The following WDR48 variants were observed in gnomAD, a reference collection of about 807,000 sequenced individuals.
WDR48 encodes the protein WD repeat domain 48, also known as WD repeat-containing protein 48.
In WDR48, 22 loss-of-function variants were observed where a neutral mutation model predicts 94.0. The observed-to-expected ratio is 0.23, with a 90% CI of 0.17 to 0.33. The LOEUF (loss-of-function observed/expected upper bound fraction) is 0.33, where lower values mean the gene tolerates loss of function less well. Among genes scored for constraint, WDR48 ranks in the 10% least tolerant of loss-of-function variants. WDR48 has a pLI of 1.00. For synonymous variants in WDR48, 278 were observed against 280.5 expected (o/e 0.99, Z 0.09); for missense variants, 541 against 813.8 (o/e 0.66, Z 4.08).
chr3:39,074,785 T>G lies in WDR48; in HGVS notation c.732T>G (p.Cys244Trp). Residue 244 changes from cysteine to tryptophan, a missense_variant, in exon 8 of 19, where the codon TGT (cysteine) becomes TGG (tryptophan). Cys to Trp is a radical substitution (Grantham distance 215). This residue lies in a region of WDR48 where 104 missense variants were observed against 189.7 expected (regional missense o/e 0.55). Coordinates refer to ENST00000302313, the MANE Select transcript of WDR48 (RefSeq NM_020839.4). ...TTTGGTCCCTTGGCCAGCAGAGATG[T>G]ATAGCAACATACCGAGTCCATGATG... ...IRLWSLGQQR[C>W]IATYRVHDEG... is the part of the protein sequence containing the mutation. The G allele has an allele frequency of 6.2e-7, 1 of 1,614,192 alleles. No homozygotes were observed. Among genetic ancestry groups the G allele is most frequent in the Non-Finnish European group, 8.5e-7 (1 of 1,180,020 alleles).
intron 1 of WDR48, among the ~76,000 whole-genome samples, chr3:39,062,770 C>G (rs1216858722): frequency 6.6e-6 from 1 of 152,154 alleles, no homozygotes; most frequent in African/African-American, 2.4e-5. Context: ...ATTACTCTAG[C>G]TGCTTTGTGA....
intron 11 of WDR48, among the ~76,000 whole-genome samples, chr3:39,083,083 G>A (rs1237775714): frequency 1.3e-5 from 2 of 152,196 alleles, no homozygotes; most frequent in Non-Finnish European, 2.9e-5. Flanking sequence ...TTAACCTGCT[G>A]TGAGTTGATT....
intron 1 of WDR48, among the ~76,000 whole-genome samples, chr3:39,059,879 A>T (rs890074028): frequency 6.6e-6 from 1 of 152,110 alleles, no homozygotes; most frequent in African/African-American, 2.4e-5. Context: ...TTTGTCTTTG[A>T]TTATTTATGG....
chr3:39,092,876 T>TACACACACACACAC lies in WDR48; in HGVS notation c.1746-980_1746-967dup, dbSNP rs3033301. Among the ~76,000 whole-genome samples the TACACACACACACAC allele has an allele frequency of 8.8e-3, 1,282 of 146,050 alleles. 11 individuals are homozygous for TACACACACACACAC. The highest frequency in any genetic ancestry group is 0.022 in the African/African-American group (875 of 39,168). Reference sequence around the variant, plus strand: ...ACCTGCCCTCCCACCCATCTCTGTCTACACACACACACACACACACACACA... The same window carrying TACACACACACACAC: ...ACCTGCCCTCCCACCCATCTCTGTCTACACACACACACACACACACACACACACACACACACACA... On this transcript the variant is annotated intron_variant, in intron 17 of 18. Coordinates refer to ENST00000302313, the MANE Select transcript of WDR48 (RefSeq NM_020839.4).
intron 1 of WDR48, among the ~76,000 whole-genome samples, chr3:39,057,099 G>A (rs1298204906): frequency 1.3e-5 from 2 of 152,124 alleles, no homozygotes; most frequent in African/African-American, 2.4e-5. Flanking sequence ...CTTTGAGGAA[G>A]GAAATGTATT....
intron 14 of WDR48, chr3:39,087,899 T>C: frequency 2.1e-6 from 1 of 483,536 alleles, no homozygotes; most frequent in Non-Finnish European, 3.7e-6. Flanking sequence ...ATCTCTTTTA[T>C]TAAAATCCTC....
intron 2 of WDR48, among the ~76,000 whole-genome samples, chr3:39,064,867 G>A (rs138181522): frequency 1.3e-5 from 2 of 152,276 alleles, no homozygotes; most frequent in African/African-American, 4.8e-5. Flanking sequence ...AACTATGTTT[G>A]GCTTTGAAAT....
At chr3:39,075,387 G>A (rs190965808) in intron 8 of WDR48, among the ~76,000 whole-genome samples, 1 of 152,188 alleles carries the variant, frequency 6.6e-6, no homozygotes, top group African/African-American at 2.4e-5. Flanking sequence ...TTATCTGTGA[G>A]CAGACAACAA....
chr3:39,080,137 A>G (rs888371055), intron 11 of WDR48, among the ~76,000 whole-genome samples: 1 of 152,110 alleles, frequency 6.6e-6, no homozygotes, highest in African/African-American at 2.4e-5. Flanking sequence ...GTAGGGGGCT[A>G]TTCCATGCAT....
chr3:39,052,673 T>C (rs539646462), intron 1 of WDR48: 1 of 152,888 alleles, frequency 6.5e-6, no homozygotes, highest in African/African-American at 2.4e-5. Context: ...TAAGTTCCTC[T>C]TCACCATTTC....
chr3:39,066,920 CATAA>C (rs774416642), intron 5 of WDR48, 45 bp downstream of exon 5: 1 of 1,589,844 alleles, frequency 6.3e-7, no homozygotes, highest in Non-Finnish European at 8.6e-7. Context: ...TCCAAGTTAA[CATAA>C]ATAAAGAATG....
chr3:39,091,489 C>T, intron 16 of WDR48, 136 bp from the exon 17 acceptor site: 1 of 647,202 alleles, frequency 1.5e-6, no homozygotes, highest in East Asian at 3.3e-5. Context: ...AATTTGATAG[C>T]TTACTATACA....
intron 6 of WDR48, 139 bp downstream of exon 6, chr3:39,068,998 G>A: frequency 3.2e-6 from 2 of 627,290 alleles, no homozygotes; most frequent in Non-Finnish European, 5.3e-6. Context: ...CTGTCACCCA[G>A]GTTGGGGTGC....
In WDR48 at chr3:39,074,599, C is replaced by A. The variant is rs566423686; in HGVS notation, c.673-127C>A. ...TGGTGCATGGTTGTCAAGCCTTTATCAGAGGCAGAAACACAGGTTAATAGA... is the reference window on the plus strand; with the variant it reads ...TGGTGCATGGTTGTCAAGCCTTTATAAGAGGCAGAAACACAGGTTAATAGA... On this transcript the variant is annotated intron_variant, in intron 7 of 18. Transcript: ENST00000302313. 4.3e-6 allele frequency: 4 copies of A among 939,900 alleles called. No individual in the cohort carries two copies. In the African/African-American group the frequency reaches 5.0e-5, roughly 12 times the overall value. 58.2% of individuals were successfully genotyped at this position (939,900 alleles called of 1,614,324 possible).
At chr3:39,058,044 C>T (rs575748121) in intron 1 of WDR48, among the ~76,000 whole-genome samples, 3 of 152,334 alleles carry the variant, frequency 2.0e-5, no homozygotes, top group African/African-American at 7.2e-5. Flanking sequence ...ACATATTTCA[C>T]TAAAAATATA....
intron 4 of WDR48, 32 bp from the exon 5 acceptor site, chr3:39,066,714 G>T (rs949171366): frequency 1.2e-6 from 2 of 1,612,832 alleles, no homozygotes; most frequent in African/African-American, 2.7e-5. Context: ...CTGATCTACA[G>T]AATAGATCAT....
At chr3:39,056,493 A>AAT (rs1489603637) in intron 1 of WDR48, among the ~76,000 whole-genome samples, 2 of 152,260 alleles carry the variant, frequency 1.3e-5, no homozygotes, top group African/African-American at 4.8e-5. Flanking sequence ...AGAAAAAACA[A>AAT]ACAAGAAATG....
Position 39,094,490 on chromosome 3 carries a change from C to A in WDR48, c.1939-158C>A. On this transcript the variant is annotated intron_variant, in intron 18 of 18. Coordinates refer to ENST00000302313, the MANE Select transcript of WDR48 (RefSeq NM_020839.4). ...ATGTACATCTCACTAAGCTCAATTT[C>A]ATTCCCGCATGCATGGAAGCCGTGA... 2.6e-6 allele frequency: 4 copies of A among 1,535,524 alleles called. No individual in the cohort carries two copies. In the South Asian group the frequency reaches 3.6e-5, roughly 14 times the overall value.
At chr3:39,079,618 G>A (rs2034415571) in intron 10 of WDR48, 93 bp from the exon 11 acceptor site, 3 of 860,454 alleles carry the variant, frequency 3.5e-6, no homozygotes, top group Non-Finnish European at 5.3e-6. Context: ...TACAGTTTAT[G>A]TTCCTGTTAG....
Sources: gnomAD v4.1 joint callset for allele counts (sites outside exome capture counted in the v4.1 genomes callset) on GRCh38, gnomAD v4.1.1 for gene constraint, gnomAD v4.1.1 regional missense constraint, MANE v1.5 for transcripts, NCBI Gene and HGNC (gene_info 2026-07-23, HGNC 2026-07-21) for gene names.